Variants in DGKQ observed in about 807,000 individuals in gnomAD.
DGKQ encodes diacylglycerol kinase theta, also known as DAG kinase theta.
Under a neutral mutation model 104.2 loss-of-function variants are expected in DGKQ, and 97 were observed. The ratio of observed to expected loss-of-function variants is 0.93; its 90% confidence interval spans 0.79 to 1.10. DGKQ has a LOEUF of 1.10. Among genes scored for constraint, DGKQ ranks in the 50% least tolerant of loss-of-function variants. The pLI is 0.00. For missense variants in DGKQ, 1,465 were observed against 1,352.1 expected (o/e 1.08, Z -1.31); for synonymous variants, 736 against 595.2 (o/e 1.24, Z -3.44).
At chr4:965,620 C>T in intron 13 of DGKQ, 91 bp from the exon 14 acceptor site, 1 of 1,404,322 alleles carries the variant, frequency 7.1e-7, no homozygotes, top group Non-Finnish European at 9.8e-7. Context: ...CCAGGGGTGA[C>T]ATCTCACCCC....
rs1421542679 is a variant in DGKQ, at chr4:966,036, C to T, written c.1471G>A (p.Glu491Lys). 6.2e-7 allele frequency: 1 copy of T among 1,604,508 alleles called. No individual in the cohort carries two copies. Among genetic ancestry groups the T allele is most frequent in the Admixed American group, 1.7e-5 (1 of 58,750 alleles). ...QVSQTRFYVAESRDVAPHVSL... is the reference protein window; with the variant it reads ...QVSQTRFYVAKSRDVAPHVSL... ...ACGTGCGGGGCTACATCCCTGCTCTCTGCCACGTAGAACCGCGTCTGGCTC... is the reference window on the plus strand; with the variant it reads ...ACGTGCGGGGCTACATCCCTGCTCTTTGCCACGTAGAACCGCGTCTGGCTC... Residue 491 changes from glutamate (E) to lysine (K), a missense_variant, in exon 13 of 23, where the codon GAG becomes AAG. Transcript: ENST00000273814.
chr4:961,755 G>A lies in DGKQ; in HGVS notation c.2395C>T (p.Leu799=). 2 of 1,612,616 alleles carry A rather than the reference G, an allele frequency of 1.2e-6. No homozygotes were observed. Among genetic ancestry groups the A allele is most frequent in the Non-Finnish European group, 1.7e-6 (2 of 1,179,822 alleles). Residue 799 remains leucine, a synonymous_variant, in exon 20 of 23, where the codon CTG becomes TTG. Coordinates refer to ENST00000273814, the MANE Select transcript of DGKQ (RefSeq NM_001347.4). The part of the protein sequence containing the change: ...HSRSLHKQIR[L]QVERQEVELP... Reference sequence around the variant, plus strand: ...TCCACCTCCTGCCGCTCCACCTGCAGCCGGATCTGCTTGTGCAGGCTCCGA... The same window carrying A: ...TCCACCTCCTGCCGCTCCACCTGCAACCGGATCTGCTTGTGCAGGCTCCGA...
intron 15 of DGKQ, among the ~76,000 whole-genome samples, chr4:964,880 G>A (rs1055550109): frequency 1.1e-4 from 17 of 152,206 alleles, no homozygotes; most frequent in African/African-American, 3.9e-4. Flanking sequence ...CAGGTGCAGC[G>A]TGGAAGCTGG....
In DGKQ at chr4:960,583, A is replaced by T. The variant is rs374750606; in HGVS notation, c.*37T>A. 1.9e-6 allele frequency: 3 copies of T among 1,576,822 alleles called. No homozygotes were observed. The highest frequency in any genetic ancestry group is 1.3e-5 in the African/African-American group (1 of 74,380). ...ACCTGAAAACAAGGCTGGCGGGAGC[A>T]GAGATGGCTCGAGCCCTTGGGCTGC... On this transcript the variant is annotated 3_prime_UTR_variant, in exon 23 of 23. Coordinates refer to ENST00000273814, the MANE Select transcript of DGKQ (RefSeq NM_001347.4).
chr4:961,396 G>T (rs1711873321), intron 21 of DGKQ, 71 bp downstream of exon 21: 1 of 1,477,820 alleles, frequency 6.8e-7, no homozygotes. Flanking sequence ...GGGCGGGAGA[G>T]GCCAGCTGGG....
chr4:972,075 C>T (rs1339142992), intron 1 of DGKQ, among the ~76,000 whole-genome samples: 2 of 152,146 alleles, frequency 1.3e-5, no homozygotes, highest in Admixed American at 6.5e-5. Context: ...GCTCACCCCA[C>T]GCCCCACGCT....
rs56097262 is a variant in DGKQ at position 965,241 on chromosome 4, T to C, written c.1669A>G (p.Met557Val). The stretch of plus-strand genomic sequence containing the variant: ...CGCACAGCCATGTCCTTCAGCAGCA[T>C]GTACAGCCGCTCGGCCTCCGCAAAG... The part of the protein sequence containing the change: ...ACFAEAERLY[M>V]LLKDMAVRGR... Residue 557 changes from methionine (M) to valine (V), a missense_variant, in exon 15 of 23, where the codon ATG (methionine) becomes GTG (valine). By Grantham distance (21) the Met-to-Val change is conservative. Coordinates refer to ENST00000273814, the MANE Select transcript of DGKQ (RefSeq NM_001347.4). 4.2e-5 allele frequency: 67 copies of C among 1,612,520 alleles called. No individual in the cohort carries two copies. Among genetic ancestry groups the C allele is most frequent in the East Asian group, 2.0e-4 (9 of 44,866 alleles).
rs1711791909 is a variant in DGKQ at position 960,480 on chromosome 4, A to G, written c.*140T>C. The G allele has an allele frequency of 1.4e-6, 1 of 715,576 alleles. No individual in the cohort carries two copies. Among genetic ancestry groups the G allele is most frequent in the South Asian group, 1.6e-5 (1 of 61,114 alleles). The allele number at this position is 715,576 out of a possible 1,614,324, so 44.3% of individuals were successfully genotyped here. Reference sequence around the variant, plus strand: ...GGGCGGGTCCCGCTCCGTCACTGGGAAGATGCTGTGGTCAGGGCTGTAGCC... The same window carrying G: ...GGGCGGGTCCCGCTCCGTCACTGGGGAGATGCTGTGGTCAGGGCTGTAGCC... On this transcript the variant is annotated 3_prime_UTR_variant, in exon 23 of 23. Transcript: ENST00000273814.
rs1234379368 is a variant in DGKQ, at chr4:967,175, G to C, written c.1174C>G (p.Leu392Val). The change falls in exon 9 of 23, where the codon CTG becomes GTG. Residue 392 changes from leucine (L) to valine (V), a missense_variant. Leu to Val is a conservative substitution (Grantham distance 32, BLOSUM62 1). Transcript: ENST00000273814. ...ATPEAWVIRA[L>V]PRAQEVLKIY... is the part of the protein sequence containing the mutation. ...TTCAGGACCTCCTGGGCCCGCGGCA[G>C]AGCCCGGATGACCCAGGCCTCTGGC... is the stretch of plus-strand genomic sequence containing the variant. 6.3e-7 allele frequency: 1 copy of C among 1,599,110 alleles called. No individual in the cohort carries two copies. The highest frequency in any genetic ancestry group is 1.3e-5 in the African/African-American group (1 of 74,710).
At chr4:961,246 C>G in intron 21 of DGKQ, 45 bp from the exon 22 acceptor site, 21 of 1,474,396 alleles carry the variant, frequency 1.4e-5, no homozygotes, top group Non-Finnish European at 1.8e-5. Flanking sequence ...ATCAGGGACG[C>G]CCACCGCTGA....
In DGKQ at chr4:968,810, C is replaced by G. The variant is rs1481929701; in HGVS notation, c.451+1G>C. 6.2e-7 allele frequency: 1 copy of G among 1,608,776 alleles called. No homozygotes were observed. Among genetic ancestry groups the G allele is most frequent in the South Asian group, 1.1e-5 (1 of 90,542 alleles). On this transcript the variant is annotated splice_donor_variant, in intron 3 of 22. Transcript: ENST00000273814. LOFTEE classifies it high-confidence loss of function. ...TGGGGAGCCAGGCAGGCTCCAGGTA[C>G]CTTCGCAGTGGAGCGCCGGTGCCTC...
At position 959,814 on chromosome 4, in the gene DGKQ, C is replaced by T. The variant is rs1402742305; in HGVS notation, c.*806G>A. On this transcript the variant is annotated 3_prime_UTR_variant, in exon 23 of 23. Transcript: ENST00000273814. ...GTGCTAAGTGCCCCACCCTGAGGGC[C>T]GAGGGGCAGACACTCGGGCCCGGCC... 2 of 152,106 alleles carry T rather than the reference C, an allele frequency of 1.3e-5. No homozygotes were observed. Among genetic ancestry groups the T allele is most frequent in the African/African-American group, 4.8e-5 (2 of 41,370 alleles). The allele number at this position is 152,106 out of a possible 1,614,324, so 9.4% of individuals were successfully genotyped here. A position where few individuals can be genotyped will look rare whatever the true frequency, so the allele number is the denominator to read the frequency against.
Position 971,159 on chromosome 4 carries a change from T to A in DGKQ, c.272-87A>T, listed in dbSNP as rs185159746. ...AAGTTAGAGGCCCCAGGGCAATGAC[T>A]GCCATACCCACCATGCTGCACCAGG... is the stretch of plus-strand genomic sequence containing the variant. On this transcript the variant is annotated intron_variant, in intron 1 of 22. Coordinates refer to ENST00000273814, the MANE Select transcript of DGKQ (RefSeq NM_001347.4). This position sits in a 1 kb window ranked among gnomAD's most constrained non-coding sequence, Gnocchi z 4.0. 2.0e-4 allele frequency: 188 copies of A among 961,616 alleles called. No homozygotes were observed. The highest frequency in any genetic ancestry group is 1.6e-3 in the Admixed American group (76 of 48,676). 59.6% of individuals were successfully genotyped at this position (961,616 alleles called of 1,614,324 possible). A position where few individuals can be genotyped will look rare whatever the true frequency, so the allele number is the denominator to read the frequency against.
At chr4:963,675 T>TG (rs1336673780) in intron 15 of DGKQ, among the ~76,000 whole-genome samples, 1 of 152,218 alleles carries the variant, frequency 6.6e-6, no homozygotes, top group African/African-American at 2.4e-5. Flanking sequence ...GCCTGTCCCC[T>TG]GGGGGGCCTC....
chr4:973,501 G>GCGGAGGCCGCTCGCGAACC lies in DGKQ; in HGVS notation c.-20_-19insGGTTCGCGAGCGGCCTCCG. 1.0e-6 allele frequency: 1 copy of GCGGAGGCCGCTCGCGAACC among 984,132 alleles called. No homozygotes were observed. Among genetic ancestry groups the GCGGAGGCCGCTCGCGAACC allele is most frequent in the Non-Finnish European group, 1.2e-6 (1 of 829,792 alleles). The allele number at this position is 984,132 out of a possible 1,614,324, so 61.0% of individuals were successfully genotyped here. On this transcript the variant is annotated 5_prime_UTR_variant, in exon 1 of 23. Coordinates refer to ENST00000273814, the MANE Select transcript of DGKQ (RefSeq NM_001347.4). ...CCGCCATTCCCGGCCCGAGCGGCCC[G>GCGGAGGCCGCTCGCGAACC]AGCCCCTTTAGGTCCGCGCCGGGGG... is the stretch of plus-strand genomic sequence containing the variant.
In DGKQ at chr4:965,227, G is replaced by A. The variant is rs1712211582; in HGVS notation, c.1683C>T (p.Asp561=). 2 of 1,612,756 alleles carry A rather than the reference G, an allele frequency of 1.2e-6. No homozygotes were observed. The highest frequency in any genetic ancestry group is 2.2e-5 in the East Asian group (1 of 44,878). ...TGAGCAGCCGGCCCCGCACAGCCAT[G>A]TCCTTCAGCAGCATGTACAGCCGCT... ...EAERLYMLLK[D]MAVRGRLLTA... is the part of the protein sequence containing the mutation. Residue 561 remains aspartate, a synonymous_variant, in exon 15 of 23, where the codon GAC becomes GAT. Coordinates refer to ENST00000273814, the MANE Select transcript of DGKQ (RefSeq NM_001347.4).
At position 962,586 on chromosome 4, in the gene DGKQ, C is replaced by CA. The variant is rs764277210; in HGVS notation, c.2062dup (p.Trp688LeufsTer57). The CA allele has an allele frequency of 6.8e-6, 11 of 1,609,090 alleles. No individual in the cohort carries two copies. The East Asian group carries it at 2.5e-4, about 36-fold the overall frequency. ...GTCCTCGCCGCTGTAGCCCGCCCCC[C>CA]AGCGGAGGACTCGACCAAGGTCATT... On this transcript the variant is annotated frameshift_variant, in exon 18 of 23. Coordinates refer to ENST00000273814, the MANE Select transcript of DGKQ (RefSeq NM_001347.4). LOFTEE classifies it high-confidence loss of function.
chr4:964,744 G>A (rs1002626322), intron 15 of DGKQ, among the ~76,000 whole-genome samples: 20 of 152,334 alleles, frequency 1.3e-4, no homozygotes, highest in Middle Eastern at 3.4e-3. Flanking sequence ...GCTGTACCGG[G>A]AGGGCCATGC....
Position 962,579 on chromosome 4 carries a change from C to G in DGKQ, c.2070G>C (p.Ala690=). The part of the protein sequence containing the change: ...NDLGRVLRWG[A]GYSGEDPFSV... The stretch of plus-strand genomic sequence containing the variant: ...AGAACGGGTCCTCGCCGCTGTAGCC[C>G]GCCCCCCAGCGGAGGACTCGACCAA... The change falls in exon 18 of 23, where the codon GCG becomes GCC. Residue 690 remains alanine, a synonymous_variant. Coordinates refer to ENST00000273814, the MANE Select transcript of DGKQ (RefSeq NM_001347.4). The G allele has an allele frequency of 6.2e-7, 1 of 1,609,398 alleles. No homozygotes were observed. Among genetic ancestry groups the G allele is most frequent in the Non-Finnish European group, 8.5e-7 (1 of 1,179,898 alleles).
Sources: allele counts gnomAD v4.1 joint callset (sites outside exome capture counted in the v4.1 genomes callset), GRCh38; gene constraint gnomAD v4.1.1; non-coding constraint Gnocchi (gnomAD v3.1); transcripts MANE v1.5; gene names NCBI Gene and HGNC (gene_info 2026-07-23, HGNC 2026-07-21).